TRDN: variants seen among roughly 807,000 people sequenced by gnomAD.
TRDN encodes the protein triadin in skeletal muscle.
In TRDN, 161 loss-of-function variants were observed where a neutral mutation model predicts 149.7. That is an observed-to-expected ratio of 1.08 (90% CI 0.95 to 1.23). The LOEUF is 1.23. Ranked by LOEUF, TRDN falls within the 50% of genes most tolerant of loss-of-function variation. TRDN has a pLI of 0.00. For missense variants in TRDN, 896 were observed against 823.5 expected (o/e 1.09, Z -1.08); for synonymous variants, 294 against 250.5 (o/e 1.17, Z -1.64).
intron 1 of TRDN, among the ~76,000 whole-genome samples, chr6:123,575,940 G>T (rs1255437487): frequency 2.6e-5 from 4 of 152,024 alleles, no homozygotes; most frequent in Non-Finnish European, 5.9e-5. Flanking sequence ...ATTCTAGAAT[G>T]GTATAAATGA....
chr6:123,467,698 C>A (rs939561575), intron 9 of TRDN, among the ~76,000 whole-genome samples: 1 of 152,090 alleles, frequency 6.6e-6, no homozygotes, highest in Non-Finnish European at 1.5e-5. Flanking sequence ...CGACTTTGGT[C>A]CTGACTCATA....
chr6:123,333,559 C>G (rs1483043806), intron 22 of TRDN, among the ~76,000 whole-genome samples: 1 of 152,078 alleles, frequency 6.6e-6, no homozygotes, highest in African/African-American at 2.4e-5. Context: ...GACTTTCCTA[C>G]AGATCATTGA....
At chr6:123,317,904 C>G (rs1779088197) in intron 23 of TRDN, among the ~76,000 whole-genome samples, 1 of 150,984 alleles carries the variant, frequency 6.6e-6, no homozygotes, top group African/African-American at 2.4e-5. Flanking sequence ...TCTTATGACT[C>G]TGCAACTAGA....
intron 4 of TRDN, among the ~76,000 whole-genome samples, chr6:123,540,779 A>G (rs942561136): frequency 2.0e-5 from 3 of 152,108 alleles, no homozygotes; most frequent in African/African-American, 7.2e-5. Flanking sequence ...CGGCCTCCCA[A>G]AGTGCTAGGA....
At chr6:123,582,082 C>T (rs759282204) in intron 1 of TRDN, among the ~76,000 whole-genome samples, 1 of 152,164 alleles carries the variant, frequency 6.6e-6, no homozygotes, top group Non-Finnish European at 1.5e-5. Context: ...TGATTTTACA[C>T]ATTTTAGGGG....
At chr6:123,353,169 CA>C (rs778018496) in intron 20 of TRDN, among the ~76,000 whole-genome samples, 19 of 151,814 alleles carry the variant, frequency 1.3e-4, no homozygotes, top group Non-Finnish European at 2.5e-4. Flanking sequence ...TAGAACAGTA[CA>C]AATGATTCAT....
chr6:123,357,995 C>A (rs1213364791), intron 20 of TRDN, among the ~76,000 whole-genome samples: 1 of 152,088 alleles, frequency 6.6e-6, no homozygotes, highest in Non-Finnish European at 1.5e-5. Context: ...ATGTAAAATT[C>A]ATCAATTCTA....
intron 19 of TRDN, among the ~76,000 whole-genome samples, chr6:123,366,911 A>T (rs1485336569): frequency 6.6e-6 from 1 of 152,220 alleles, no homozygotes; most frequent in Non-Finnish European, 1.5e-5. Context: ...GAGTCTGCTA[A>T]AAGTTGTTTA....
intron 10 of TRDN, 160 bp downstream of exon 10, chr6:123,464,745 AG>A: frequency 1.4e-6 from 2 of 1,401,218 alleles, no homozygotes; most frequent in Non-Finnish European, 1.9e-6. Flanking sequence ...TTCTAAAAGA[AG>A]CAAATTGCAA....
chr6:123,516,153 GTTTTTC>G lies in TRDN; in HGVS notation c.532_537del (p.Glu178_Lys179del), dbSNP rs1319934569. ...AGTAACTTCATACCTTTCTTTTCAG[GTTTTTC>G]TTTTTCTCTTACTTTTTCTTTTCCT... On this transcript the variant is annotated inframe_deletion, in exon 6 of 41. Transcript: ENST00000334268. 9.4e-6 allele frequency: 14 copies of G among 1,490,768 alleles called. No homozygotes were observed. Among genetic ancestry groups the G allele is most frequent in the Non-Finnish European group, 1.3e-5 (14 of 1,108,200 alleles). 92.3% of individuals were successfully genotyped at this position (1,490,768 alleles called of 1,614,324 possible).
At chr6:123,574,330 A>C (rs921686353) in intron 1 of TRDN, among the ~76,000 whole-genome samples, 4 of 152,034 alleles carry the variant, frequency 2.6e-5, no homozygotes, top group African/African-American at 4.8e-5. Context: ...AAATACTTCT[A>C]AAACCCAGAT....
chr6:123,355,322 A>AT, intron 20 of TRDN, among the ~76,000 whole-genome samples: 1 of 151,736 alleles, frequency 6.6e-6, no homozygotes, highest in Middle Eastern at 3.4e-3. Context: ...TGCTTTTTGT[A>AT]TTCTATTTAA....
intron 10 of TRDN, among the ~76,000 whole-genome samples, chr6:123,439,355 C>A (rs890833307): frequency 1.3e-5 from 2 of 152,090 alleles, no homozygotes; most frequent in African/African-American, 4.8e-5. Context: ...AAATATATTT[C>A]TTGGAAAATA....
chr6:123,229,851 T>G (rs764835450), intron 38 of TRDN, among the ~76,000 whole-genome samples: 1 of 151,970 alleles, frequency 6.6e-6, no homozygotes, highest in Non-Finnish European at 1.5e-5. Context: ...CTTAATTATG[T>G]AGGTTTGATA....
At chr6:123,384,430 T>C (rs944070052) in intron 14 of TRDN, among the ~76,000 whole-genome samples, 2 of 152,062 alleles carry the variant, frequency 1.3e-5, no homozygotes, top group Admixed American at 6.6e-5. Flanking sequence ...GAAGAGAACA[T>C]GGTCATGTAG....
At chr6:123,240,559 T>C (rs1330490082) in intron 38 of TRDN, among the ~76,000 whole-genome samples, 4 of 151,908 alleles carry the variant, frequency 2.6e-5, no homozygotes, top group Admixed American at 6.6e-5. Context: ...AGAGACTTAA[T>C]AGTCATTTTA....
intron 8 of TRDN, among the ~76,000 whole-genome samples, chr6:123,499,442 G>A (rs571018707): frequency 1.2e-4 from 18 of 151,544 alleles, no homozygotes; most frequent in East Asian, 5.9e-4. Context: ...CAAACCACAC[G>A]CCTGTAATCC....
intron 1 of TRDN, among the ~76,000 whole-genome samples, chr6:123,577,474 G>C (rs1316990963): frequency 6.6e-6 from 1 of 152,044 alleles, no homozygotes; most frequent in Non-Finnish European, 1.5e-5. Flanking sequence ...CAAAAGACAT[G>C]ATCTTGTTCT....
chr6:123,216,843 A>G lies in TRDN; in HGVS notation c.*1758T>C, dbSNP rs901968154. ...AACACAGCGCCCTAAAAGAGTAGGT[A>G]TTCAATAAACAGTCATTGAATGAAA... On this transcript the variant is annotated 3_prime_UTR_variant, in exon 41 of 41. Transcript: ENST00000334268. The G allele has an allele frequency of 6.6e-5, 10 of 152,010 alleles. No homozygotes were observed. The highest frequency in any genetic ancestry group is 2.4e-4 in the African/African-American group (10 of 41,442). The allele number at this position is 152,010 out of a possible 1,614,324, so 9.4% of individuals were successfully genotyped here.
Sources: gnomAD v4.1 joint callset for allele counts (sites outside exome capture counted in the v4.1 genomes callset) on GRCh38, gnomAD v4.1.1 for gene constraint, MANE v1.5 for transcripts, NCBI Gene and HGNC (gene_info 2026-07-23, HGNC 2026-07-21) for gene names.